Variants in LARGE1 observed in about 807,000 individuals in gnomAD.
LARGE1 encodes the protein LARGE xylosyl- and glucuronyltransferase 1, also known as xylosyl- and glucuronyltransferase LARGE1.
Under a neutral mutation model 87.6 loss-of-function variants are expected in LARGE1, and 43 were observed. The ratio of observed to expected loss-of-function variants is 0.49; its 90% CI spans 0.38 to 0.63. The LOEUF (loss-of-function observed/expected upper bound fraction) is 0.63, where lower values mean the gene tolerates loss of function less well. Ranked by LOEUF, LARGE1 falls within the 30% of genes least tolerant of loss-of-function variation. LARGE1 has a pLI of 0.00. For missense variants in LARGE1, 802 were observed against 1,000.2 expected (o/e 0.80, Z 2.67); for synonymous variants, 434 against 394.6 (o/e 1.10, Z -1.18).
chr22:33,719,497 A>ATTTATTTATTTATT (rs371661414), intron 2 of LARGE1, among the ~76,000 whole-genome samples: 28 of 145,196 alleles, frequency 1.9e-4, no homozygotes, highest in Admixed American at 4.1e-4. Context: ...CATCTATACC[A>ATTTATTTATTTATT]TATTTATTTA....
At chr22:33,386,647 A>G (rs912508404) in intron 7 of LARGE1, among the ~76,000 whole-genome samples, 1 of 149,040 alleles carries the variant, frequency 6.7e-6, no homozygotes, top group Admixed American at 6.7e-5. Context: ...GAAGGTACAC[A>G]GTGGAAATTG....
chr22:33,580,084 A>G (rs2078470100), intron 5 of LARGE1, among the ~76,000 whole-genome samples: 1 of 152,146 alleles, frequency 6.6e-6, no homozygotes, highest in Admixed American at 6.6e-5. Flanking sequence ...AAGCAGACAC[A>G]AGGCGGCCGG....
At chr22:33,115,492 G>A in the LARGE1 span, among the ~76,000 whole-genome samples, 1 of 150,616 alleles carries the variant, frequency 6.6e-6, no homozygotes, top group South Asian at 2.1e-4. Flanking sequence ...ATGAAGGAGA[G>A]GCCCTAATTC....
At chr22:33,406,683 T>C (rs1214837770) in intron 7 of LARGE1, among the ~76,000 whole-genome samples, 1 of 152,198 alleles carries the variant, frequency 6.6e-6, no homozygotes, top group Non-Finnish European at 1.5e-5. Flanking sequence ...CAGGGCTGTG[T>C]GGTGGTGTGT....
chr22:33,120,348 TTTTC>T, the LARGE1 span, among the ~76,000 whole-genome samples: 1 of 115,300 alleles, frequency 8.7e-6, no homozygotes, highest in South Asian at 3.1e-4. Flanking sequence ...TTTTTCTTTC[TTTTC>T]TTTCTTTTTC....
intron 11 of LARGE1, among the ~76,000 whole-genome samples, chr22:33,232,874 A>T (rs1018222020): frequency 6.6e-6 from 1 of 152,116 alleles, no homozygotes; most frequent in Non-Finnish European, 1.5e-5. Flanking sequence ...AATGATGGAG[A>T]AAAATGAGAA....
At chr22:33,911,963 T>C (rs1341417624) in intron 1 of LARGE1, among the ~76,000 whole-genome samples, 1 of 152,176 alleles carries the variant, frequency 6.6e-6, no homozygotes, top group East Asian at 1.9e-4. Flanking sequence ...AATGAAAACA[T>C]GACCATTCAT....
At chr22:33,352,911 G>A (rs148970961) in intron 9 of LARGE1, among the ~76,000 whole-genome samples, 1,603 of 152,252 alleles carry the variant, frequency 0.011, 31 homozygotes, top group African/African-American at 0.037. Flanking sequence ...GTTCTACAAA[G>A]GAGCTACAGA....
At chr22:33,294,182 C>T (rs146393342) in intron 12 of LARGE1, among the ~76,000 whole-genome samples, 3 of 152,374 alleles carry the variant, frequency 2.0e-5, no homozygotes, top group South Asian at 2.1e-4. Context: ...CAGAAATGCC[C>T]GTGCTGACTT....
chr22:33,804,246 C>T (rs1457761491), intron 1 of LARGE1, among the ~76,000 whole-genome samples: 3 of 152,108 alleles, frequency 2.0e-5, no homozygotes, highest in Non-Finnish European at 4.4e-5. Flanking sequence ...CTTTAGAGCC[C>T]TCTATCTATC....
At chr22:33,726,998 G>A (rs2083290673) in intron 2 of LARGE1, among the ~76,000 whole-genome samples, 1 of 152,202 alleles carries the variant, frequency 6.6e-6, no homozygotes, top group Non-Finnish European at 1.5e-5. Flanking sequence ...TGAGATGTGA[G>A]TAGATTTGGA....
chr22:33,448,736 TC>T (rs1003036877), intron 6 of LARGE1, among the ~76,000 whole-genome samples: 1 of 152,176 alleles, frequency 6.6e-6, no homozygotes, highest in Admixed American at 6.5e-5. Context: ...CCTCCCTGCC[TC>T]CCCAACTTTA....
At chr22:33,879,966 C>T (rs138720243) in intron 1 of LARGE1, among the ~76,000 whole-genome samples, 89 of 152,340 alleles carry the variant, frequency 5.8e-4, no homozygotes, top group African/African-American at 2.1e-3. Context: ...TCCCAACCTG[C>T]TTCACTCTTC....
At chr22:33,070,981 C>A in the LARGE1 span, among the ~76,000 whole-genome samples, 1 of 151,976 alleles carries the variant, frequency 6.6e-6, no homozygotes, top group Non-Finnish European at 1.5e-5. Context: ...AGTCTGTTTT[C>A]TAAACACTAG....
rs1014849006 is a variant in LARGE1 at position 33,596,167 on chromosome 22, T to A, written c.615+8268A>T. ...GGACAAGAACCATTCATTAGAAGACTGTTAAATAAAGAAAAATCTGCCTGT... is the reference window on the plus strand; with the variant it reads ...GGACAAGAACCATTCATTAGAAGACAGTTAAATAAAGAAAAATCTGCCTGT... On this transcript the variant is annotated intron_variant, in intron 5 of 14. Coordinates refer to ENST00000397394, the MANE Select transcript of LARGE1 (RefSeq NM_133642.5). Among the ~76,000 whole-genome samples the A allele has an allele frequency of 3.9e-5, 6 of 152,238 alleles. No individual in the cohort carries two copies. The East Asian group carries it at 9.6e-4, about 24-fold the overall frequency.
At chr22:33,491,281 C>G (rs2069829889) in intron 6 of LARGE1, among the ~76,000 whole-genome samples, 1 of 152,154 alleles carries the variant, frequency 6.6e-6, no homozygotes, top group Admixed American at 6.5e-5. Flanking sequence ...CCACCCACTA[C>G]ATGTAATAAT....
At chr22:33,642,663 A>C (rs998491994) in intron 3 of LARGE1, among the ~76,000 whole-genome samples, 1 of 146,462 alleles carries the variant, frequency 6.8e-6, no homozygotes, top group African/African-American at 2.5e-5. Flanking sequence ...GATACACATA[A>C]GCTCAAAATA....
rs115314728 is a variant in LARGE1, at chr22:33,372,844, G to A, written c.1131+9075C>T. On this transcript the variant is annotated intron_variant, in intron 9 of 14. Coordinates refer to ENST00000397394, the MANE Select transcript of LARGE1 (RefSeq NM_133642.5). ...TCAGAGGTTACTTAAAGGTTGCCTC[G>A]AAAAGTATATTTAGAATGGAAATAG... Among the ~76,000 whole-genome samples, 997 of 152,206 alleles carry A rather than the reference G, an allele frequency of 6.6e-3. 5 individuals carry two copies. Among genetic ancestry groups the A allele is most frequent in the African/African-American group, 0.023 (958 of 41,534 alleles).
the LARGE1 span, among the ~76,000 whole-genome samples, chr22:33,143,552 A>T: frequency 6.6e-6 from 1 of 152,134 alleles, no homozygotes; most frequent in African/African-American, 2.4e-5. Flanking sequence ...AATAAAATTA[A>T]CCCATTGCAT....
Sources: gnomAD v4.1 joint callset for allele counts (sites outside exome capture counted in the v4.1 genomes callset) on GRCh38, gnomAD v4.1.1 for gene constraint, MANE v1.5 for transcripts, NCBI Gene and HGNC (gene_info 2026-07-23, HGNC 2026-07-21) for gene names.